The following EPHA4 variants were observed in gnomAD, a reference collection of about 807,000 sequenced individuals.
EPHA4 encodes EPH receptor A4, also known as ephrin type-A receptor 4.
Under a neutral mutation model 108.3 loss-of-function variants are expected in EPHA4, and 19 were observed. The observed-to-expected ratio is 0.18, with a 90% confidence interval of 0.12 to 0.26. The LOEUF (loss-of-function observed/expected upper bound fraction) is 0.26. EPHA4 is among the 10% of genes least tolerant of loss of function. The pLI is 1.00. For synonymous variants in EPHA4, 449 were observed against 455.5 expected, an observed-to-expected ratio of 0.99 and a Z score of 0.18; for missense variants, 917 against 1,254.0, an observed-to-expected ratio of 0.73 and a Z score of 4.06.
chr2:221,521,140 A>G (rs1412055568), intron 3 of EPHA4, among the ~76,000 whole-genome samples: 1 of 152,204 alleles, frequency 6.6e-6, no homozygotes, highest in Non-Finnish European at 1.5e-5. Flanking sequence ...TTCTTGTAAG[A>G]ATTCTTCCCT....
At chr2:221,562,558 A>G (rs1417050972) in intron 3 of EPHA4, among the ~76,000 whole-genome samples, 2 of 152,238 alleles carry the variant, frequency 1.3e-5, no homozygotes, top group African/African-American at 2.4e-5. Flanking sequence ...CAGATGAACC[A>G]TGTGGCAATG....
intron 15 of EPHA4, 85 bp from the exon 16 acceptor site, chr2:221,426,704 A>G (rs1689923876): frequency 6.5e-6 from 8 of 1,233,606 alleles, no homozygotes; most frequent in Non-Finnish European, 9.0e-6. Context: ...TCAAATAGGC[A>G]AGGAGAACTG....
At chr2:221,426,181 C>T (rs760498044) in intron 16 of EPHA4, 39 bp from the exon 17 acceptor site, 14 of 1,554,188 alleles carry the variant, frequency 9.0e-6, no homozygotes, top group African/African-American at 6.8e-5. Context: ...GAAGAAGTCA[C>T]AGGGACTGAC....
chr2:221,451,132 T>C (rs1048674811), intron 8 of EPHA4, among the ~76,000 whole-genome samples: 1 of 152,164 alleles, frequency 6.6e-6, no homozygotes, highest in Non-Finnish European at 1.5e-5. Context: ...GAGAATCACT[T>C]GAACCCATGA....
chr2:221,551,237 C>A (rs936382807), intron 3 of EPHA4, among the ~76,000 whole-genome samples: 1 of 151,968 alleles, frequency 6.6e-6, no homozygotes, highest in African/African-American at 2.4e-5. Flanking sequence ...CAAGATAGTT[C>A]AATAAGAAGA....
chr2:221,499,837 A>T (rs1403532312), intron 4 of EPHA4, among the ~76,000 whole-genome samples: 1 of 138,686 alleles, frequency 7.2e-6, no homozygotes, highest in Non-Finnish European at 1.5e-5. Flanking sequence ...GCCTCTCTGC[A>T]ACCTCTGCCT....
At chr2:221,536,332 A>T (rs1693667436) in intron 3 of EPHA4, among the ~76,000 whole-genome samples, 1 of 152,208 alleles carries the variant, frequency 6.6e-6, no homozygotes, top group East Asian at 1.9e-4. Context: ...AAAGATTATA[A>T]GCCTTTTGGA....
intron 3 of EPHA4, chr2:221,501,458 T>C: frequency 3.2e-6 from 1 of 313,996 alleles, no homozygotes; most frequent in Non-Finnish European, 5.8e-6. Context: ...CGAACGCCTT[T>C]CTATGTGCCA....
intron 3 of EPHA4, among the ~76,000 whole-genome samples, chr2:221,506,944 G>C (rs1341004629): frequency 6.6e-6 from 1 of 152,184 alleles, no homozygotes; most frequent in African/African-American, 2.4e-5. Flanking sequence ...GGAATTCTTT[G>C]TTGGAGAGAG....
intron 4 of EPHA4, among the ~76,000 whole-genome samples, chr2:221,492,395 A>G (rs527711180): frequency 6.6e-6 from 1 of 152,318 alleles, no homozygotes; most frequent in East Asian, 1.9e-4. Flanking sequence ...GTGAGATGAT[A>G]CCTGATCTTT....
intron 3 of EPHA4, among the ~76,000 whole-genome samples, chr2:221,521,044 T>C (rs1454822254): frequency 6.6e-6 from 1 of 152,234 alleles, no homozygotes; most frequent in Non-Finnish European, 1.5e-5. Context: ...CATTTAAAAC[T>C]ACTTTTTGAA....
At position 221,533,476 on chromosome 2, in the gene EPHA4, A is replaced by G. The variant is rs147978142; in HGVS notation, c.823+30255T>C. On this transcript the variant is annotated intron_variant, in intron 3 of 17. Coordinates refer to ENST00000281821, the MANE Select transcript of EPHA4 (RefSeq NM_004438.5). ...ATGACTCGGAGGGAGGAGGAAGCTGATATGTTCCAAGCAGAATTTCAAAGG... is the reference window on the plus strand; with the variant it reads ...ATGACTCGGAGGGAGGAGGAAGCTGGTATGTTCCAAGCAGAATTTCAAAGG... 2.6e-5 allele frequency among the ~76,000 whole-genome samples: 4 copies of G among 152,172 alleles called. No homozygotes were observed. The East Asian group carries it at 5.8e-4, about 22-fold the overall frequency.
chr2:221,498,534 G>A (rs576663994), intron 4 of EPHA4, among the ~76,000 whole-genome samples: 27 of 152,150 alleles, frequency 1.8e-4, no homozygotes, highest in African/African-American at 6.5e-4. Context: ...AAGTGGCCAC[G>A]CAGAGAAAGT....
chr2:221,545,264 T>C (rs1693959684), intron 3 of EPHA4, among the ~76,000 whole-genome samples: 1 of 150,808 alleles, frequency 6.6e-6, no homozygotes. Flanking sequence ...GGTCGGGAGA[T>C]CGAGACCTTC....
At chr2:221,514,180 C>T (rs146271043) in intron 3 of EPHA4, among the ~76,000 whole-genome samples, 2 of 152,046 alleles carry the variant, frequency 1.3e-5, no homozygotes, top group Non-Finnish European at 2.9e-5. Context: ...AATCGGCAGC[C>T]GAAATACACA....
chr2:221,559,776 T>C (rs905041760), intron 3 of EPHA4, among the ~76,000 whole-genome samples: 2 of 152,198 alleles, frequency 1.3e-5, no homozygotes, highest in African/African-American at 4.8e-5. Context: ...ATCATTATAT[T>C]ATCCTCTGCA....
chr2:221,441,930 G>C (rs1690441210), intron 11 of EPHA4, among the ~76,000 whole-genome samples: 1 of 152,122 alleles, frequency 6.6e-6, no homozygotes, highest in African/African-American at 2.4e-5. Flanking sequence ...CCCAGCATCA[G>C]TTTTTCTCTT....
At chr2:221,544,091 G>A (rs528063075) in intron 3 of EPHA4, among the ~76,000 whole-genome samples, 12 of 152,158 alleles carry the variant, frequency 7.9e-5, no homozygotes, top group African/African-American at 2.9e-4. Flanking sequence ...TATTCATGAG[G>A]GCTCCACTCT....
At chr2:221,457,432 T>C (rs1230755596) in intron 6 of EPHA4, among the ~76,000 whole-genome samples, 1 of 152,218 alleles carries the variant, frequency 6.6e-6, no homozygotes, top group African/African-American at 2.4e-5. Context: ...TGAATAGCAG[T>C]GATCTACTTA....
Sources: gnomAD v4.1 joint callset for allele counts (sites outside exome capture counted in the v4.1 genomes callset) on GRCh38, gnomAD v4.1.1 for gene constraint, MANE v1.5 for transcripts, NCBI Gene and HGNC (gene_info 2026-07-23, HGNC 2026-07-21) for gene names.